Variants in PHF2 observed in about 807,000 individuals in gnomAD.
PHF2 encodes lysine-specific demethylase PHF2.
A neutral mutation model predicts 120.5 loss-of-function variants in PHF2; 27 were observed. The ratio of observed to expected loss-of-function variants is 0.22; its 90% CI spans 0.17 to 0.31. The LOEUF is 0.31. PHF2 is among the 10% of genes least tolerant of loss of function. The pLI, the probability that PHF2 is intolerant of heterozygous loss-of-function variation, is 1.00. For missense variants in PHF2, 1,024 were observed against 1,434.8 expected (o/e 0.71, Z 4.63); for synonymous variants, 568 against 592.5 (o/e 0.96, Z 0.60).
intron 4 of PHF2, among the ~76,000 whole-genome samples, chr9:93,648,352 G>A (rs900222690): frequency 3.3e-5 from 5 of 152,194 alleles, no homozygotes; most frequent in African/African-American, 1.2e-4. Flanking sequence ...CCCTCTGGGT[G>A]GGAGTGCTTT....
intron 10 of PHF2, 117 bp from the exon 11 acceptor site, chr9:93,659,394 C>A (rs922824032): frequency 1.7e-5 from 13 of 787,150 alleles, no homozygotes; most frequent in Non-Finnish European, 2.8e-5. Flanking sequence ...TCGGAAGCCC[C>A]TCGCCTCATG....
intron 3 of PHF2, among the ~76,000 whole-genome samples, chr9:93,639,338 C>A (rs1336027313): frequency 6.6e-6 from 1 of 152,070 alleles, no homozygotes; most frequent in African/African-American, 2.4e-5. Flanking sequence ...GTGCTTTTGT[C>A]AATAGAATCG....
In PHF2 at chr9:93,673,802, C is replaced by T. The variant is rs749890391; in HGVS notation, c.2566C>T (p.Leu856=). The stretch of plus-strand genomic sequence containing the variant: ...GAGGGCTGCCAAGAACAGTGTCGAC[C>T]TGGACGACTACGAGGAAGAGCAGGA... The part of the protein sequence containing the change: ...LKRAAKNSVD[L]DDYEEEQDHL... Residue 856 remains leucine, a synonymous_variant, in exon 18 of 22, where the codon CTG becomes TTG. Transcript: ENST00000359246. The T allele has an allele frequency of 6.2e-7, 1 of 1,612,094 alleles. No individual in the cohort carries two copies. Among genetic ancestry groups the T allele is most frequent in the East Asian group, 2.2e-5 (1 of 44,820 alleles).
chr9:93,642,806 T>C (rs903543886), intron 3 of PHF2, among the ~76,000 whole-genome samples: 1 of 152,230 alleles, frequency 6.6e-6, no homozygotes, highest in Admixed American at 6.5e-5. Flanking sequence ...ATTCTCTGTA[T>C]CATTTAAAAA....
At chr9:93,601,977 C>T (rs1183966425) in intron 1 of PHF2, among the ~76,000 whole-genome samples, 1 of 151,914 alleles carries the variant, frequency 6.6e-6, no homozygotes, top group Non-Finnish European at 1.5e-5. Flanking sequence ...TTGTCAATTC[C>T]ACACCATCAC....
intron 4 of PHF2, 93 bp from the exon 5 acceptor site, chr9:93,648,978 A>T: frequency 7.1e-7 from 1 of 1,408,018 alleles, no homozygotes; most frequent in South Asian, 1.3e-5. Context: ...GTGTGAGGGC[A>T]GCCAAGAGTG....
At position 93,614,913 on chromosome 9, in the gene PHF2, GATAGTA is replaced by G. The variant is rs1825698367; in HGVS notation, c.99-15054_99-15049del. ...TGATGGTAATGATGGTGATGATGGTGATAGTAATGGTGATGGTGATGATGGCAATGG... is the reference window on the plus strand; with the variant it reads ...TGATGGTAATGATGGTGATGATGGTGATGGTGATGGTGATGATGGCAATGG... On this transcript the variant is annotated intron_variant, in intron 1 of 21. Transcript: ENST00000359246. Among the ~76,000 whole-genome samples the G allele has an allele frequency of 7.2e-5, 11 of 152,022 alleles. No homozygotes were observed. The South Asian group carries it at 2.3e-3, about 32-fold the overall frequency.
At chr9:93,633,989 G>A (rs1002720510) in intron 2 of PHF2, among the ~76,000 whole-genome samples, 1 of 152,094 alleles carries the variant, frequency 6.6e-6, no homozygotes. Context: ...CTGAGCCGCC[G>A]CTGTCCTGGA....
chr9:93,585,432 G>A (rs1407691636), intron 1 of PHF2, among the ~76,000 whole-genome samples: 1 of 152,252 alleles, frequency 6.6e-6, no homozygotes, highest in Admixed American at 6.5e-5. Flanking sequence ...GGGACAGCAA[G>A]CACAGTTATG....
chr9:93,612,781 C>T (rs1825658434), intron 1 of PHF2, among the ~76,000 whole-genome samples: 1 of 152,188 alleles, frequency 6.6e-6, no homozygotes, highest in African/African-American at 2.4e-5. Flanking sequence ...ACAAGGTTGG[C>T]TGCAGCAGAC....
intron 4 of PHF2, among the ~76,000 whole-genome samples, chr9:93,647,416 G>A (rs1019981812): frequency 3.3e-5 from 5 of 152,094 alleles, no homozygotes; most frequent in African/African-American, 7.2e-5. Context: ...ATGGTTCGTC[G>A]TTTGTGTTGC....
intron 2 of PHF2, among the ~76,000 whole-genome samples, chr9:93,635,672 G>T (rs115283500): frequency 1.3e-5 from 2 of 152,204 alleles, no homozygotes; most frequent in African/African-American, 4.8e-5. Context: ...TCCAGTAGGG[G>T]TGTGTGCATG....
chr9:93,661,703 A>G (rs1826569659), intron 12 of PHF2, among the ~76,000 whole-genome samples: 1 of 152,100 alleles, frequency 6.6e-6, no homozygotes, highest in African/African-American at 2.4e-5. Context: ...GAATGGATGG[A>G]TGGATGGAAT....
At position 93,576,888 on chromosome 9, in the gene PHF2, T is replaced by C. The variant is rs1564368827; in HGVS notation, c.98+17T>C. On this transcript the variant is annotated intron_variant, in intron 1 of 21. Coordinates refer to ENST00000359246, the MANE Select transcript of PHF2 (RefSeq NM_005392.4). ...CCACGGCAGGTGAGCGCGCGGCGGCTGCTCGGCTCGGCCCGGCCCGGCCCG... is the reference window on the plus strand; with the variant it reads ...CCACGGCAGGTGAGCGCGCGGCGGCCGCTCGGCTCGGCCCGGCCCGGCCCG... 8.5e-7 allele frequency: 1 copy of C among 1,171,840 alleles called. No homozygotes were observed. The highest frequency in any genetic ancestry group is 1.6e-5 in the South Asian group (1 of 61,748). The allele number at this position is 1,171,840 out of a possible 1,614,324, so 72.6% of individuals were successfully genotyped here.
intron 3 of PHF2, among the ~76,000 whole-genome samples, chr9:93,641,264 G>A (rs963588480): frequency 6.6e-6 from 1 of 152,172 alleles, no homozygotes; most frequent in Non-Finnish European, 1.5e-5. Flanking sequence ...CACTCTGGAT[G>A]TATTTAAAAA....
chr9:93,620,752 T>C (rs1171683645), intron 1 of PHF2, among the ~76,000 whole-genome samples: 1 of 152,228 alleles, frequency 6.6e-6, no homozygotes, highest in Non-Finnish European at 1.5e-5. Flanking sequence ...GCTCCTGGCT[T>C]TAGTGTGAGG....
rs761567621 is a variant in PHF2 at position 93,656,482 on chromosome 9, C to T, written c.1041-7C>T. ...TGCACTGAGAACTGCTCTTTGGTGG[C>T]TTCTAGAGCATATGAAGTGGAAAGG... On this transcript the variant is annotated splice_region_variant and splice_polypyrimidine_tract_variant and intron_variant, in intron 8 of 21. Coordinates refer to ENST00000359246, the MANE Select transcript of PHF2 (RefSeq NM_005392.4). The surrounding 1 kb of genome is among the most constrained non-coding windows in gnomAD (Gnocchi z 4.1). 3.7e-6 allele frequency: 6 copies of T among 1,600,316 alleles called. No individual in the cohort carries two copies. Among genetic ancestry groups the T allele is most frequent in the South Asian group, 1.1e-5 (1 of 90,842 alleles).
intron 3 of PHF2, among the ~76,000 whole-genome samples, chr9:93,638,781 C>T (rs558348214): frequency 3.3e-5 from 5 of 152,258 alleles, no homozygotes; most frequent in South Asian, 2.1e-4. Flanking sequence ...TACAGTAGCA[C>T]GATCTTGGCT....
intron 5 of PHF2, among the ~76,000 whole-genome samples, chr9:93,649,487 G>A (rs1826323860): frequency 6.7e-6 from 1 of 148,518 alleles, no homozygotes; most frequent in African/African-American, 2.5e-5. Flanking sequence ...GGAGCAAAAA[G>A]GCAAAGCCTC....
Sources: allele counts gnomAD v4.1 joint callset (sites outside exome capture counted in the v4.1 genomes callset), GRCh38; gene constraint gnomAD v4.1.1; non-coding constraint Gnocchi (gnomAD v3.1); transcripts MANE v1.5; gene names NCBI Gene and HGNC (gene_info 2026-07-23, HGNC 2026-07-21).